Variants in UNC5D observed in about 807,000 individuals in gnomAD.
UNC5D encodes the protein netrin receptor UNC5D.
In UNC5D, 39 loss-of-function variants were observed where a neutral mutation model predicts 105.4. The ratio of observed to expected loss-of-function variants is 0.37; its 90% CI spans 0.29 to 0.48. The LOEUF is 0.48. Among genes scored for constraint, UNC5D ranks in the 20% least tolerant of loss-of-function variants. The probability of loss-of-function intolerance (pLI) is 0.98; values close to 1 mark genes in which losing one functional copy is unlikely to be tolerated. For synonymous variants in UNC5D, 452 were observed against 450.4 expected (o/e 1.00, Z -0.04); for missense variants, 991 against 1,202.4 (o/e 0.82, Z 2.60).
chr8:35,587,021 G>A (rs528645568), intron 3 of UNC5D, among the ~76,000 whole-genome samples: 1 of 152,266 alleles, frequency 6.6e-6, no homozygotes, highest in South Asian at 2.1e-4. Flanking sequence ...TGCTTCCCAA[G>A]GTCTAGCCCC....
At position 35,714,097 on chromosome 8, in the gene UNC5D, T is replaced by C. The variant is rs542580886; in HGVS notation, c.1118-8113T>C. Among the ~76,000 whole-genome samples the C allele has an allele frequency of 2.0e-5, 3 of 152,164 alleles. No individual in the cohort carries two copies. In the South Asian group the frequency reaches 6.2e-4, roughly 32 times the overall value. On this transcript the variant is annotated intron_variant, in intron 8 of 16. Transcript: ENST00000404895. ...TGGAGGGGACTGGTCCATGTGGATA[T>C]CCACTGGGATGTCTCCTTTTGAAAT...
intron 1 of UNC5D, among the ~76,000 whole-genome samples, chr8:35,385,622 C>T (rs933994677): frequency 1.3e-5 from 2 of 152,024 alleles, no homozygotes; most frequent in Admixed American, 6.6e-5. Flanking sequence ...CCCGCCACCA[C>T]GCCTGGAGAA....
intron 1 of UNC5D, among the ~76,000 whole-genome samples, chr8:35,440,749 TC>T (rs1179802595): frequency 5.3e-5 from 8 of 151,972 alleles, no homozygotes; most frequent in African/African-American, 1.9e-4. Flanking sequence ...ATTTTTATCT[TC>T]CCTAGACAAC....
At chr8:35,418,329 G>C (rs1200415975) in intron 1 of UNC5D, among the ~76,000 whole-genome samples, 1 of 152,152 alleles carries the variant, frequency 6.6e-6, no homozygotes, top group Non-Finnish European at 1.5e-5. Context: ...TGCGGATCTA[G>C]AGAGTTGCTG....
chr8:35,694,865 A>G (rs942924139), intron 7 of UNC5D, among the ~76,000 whole-genome samples: 3 of 152,036 alleles, frequency 2.0e-5, no homozygotes, highest in Non-Finnish European at 4.4e-5. Flanking sequence ...ACAGGTGTAA[A>G]CCACCATGCC....
intron 1 of UNC5D, among the ~76,000 whole-genome samples, chr8:35,371,207 GT>G (rs1333041811): frequency 2.0e-5 from 3 of 151,322 alleles, no homozygotes; most frequent in South Asian, 2.1e-4. Flanking sequence ...CACACACAAA[GT>G]TTTTCAGATA....
At chr8:35,771,248 C>T (rs1275127172) in intron 15 of UNC5D, among the ~76,000 whole-genome samples, 2 of 152,004 alleles carry the variant, frequency 1.3e-5, no homozygotes, top group Non-Finnish European at 2.9e-5. Flanking sequence ...TTTCTTCTGC[C>T]CACAGTGAAG....
intron 1 of UNC5D, among the ~76,000 whole-genome samples, chr8:35,383,045 A>T (rs1803140651): frequency 6.6e-6 from 1 of 152,228 alleles, no homozygotes; most frequent in African/African-American, 2.4e-5. Context: ...AAGTGCATTT[A>T]GTGATGGTTT....
intron 4 of UNC5D, among the ~76,000 whole-genome samples, chr8:35,635,499 C>A (rs1007240222): frequency 2.0e-5 from 3 of 152,156 alleles, no homozygotes; most frequent in African/African-American, 7.2e-5. Context: ...AGAAGTTGAG[C>A]AGAAGTTATA....
At chr8:35,407,507 TTGTATGTATGTA>T (rs59074158) in intron 1 of UNC5D, among the ~76,000 whole-genome samples, 162 of 150,914 alleles carry the variant, frequency 1.1e-3, no homozygotes, top group African/African-American at 3.3e-3. Flanking sequence ...AGGTTTTCAT[TTGTATGTATGTA>T]TGTATGTATG....
chr8:35,259,616 C>T (rs1181679761), intron 1 of UNC5D, among the ~76,000 whole-genome samples: 3 of 152,106 alleles, frequency 2.0e-5, no homozygotes, highest in Non-Finnish European at 4.4e-5. Context: ...GTTTTTTCCT[C>T]CTCTCTGAAA....
In UNC5D at chr8:35,534,872, TTTCTGTGCC is replaced by T. The variant is rs559957929; in HGVS notation, c.104-14418_104-14410del. On this transcript the variant is annotated intron_variant, in intron 1 of 16. Coordinates refer to ENST00000404895, the MANE Select transcript of UNC5D (RefSeq NM_080872.4). ...ATCAACATCCATTTTTTTCTTTCCC[TTTCTGTGCC>T]TACTTACCTAACATGAAAGTTTTGA... Among the ~76,000 whole-genome samples the T allele has an allele frequency of 8.3e-3, 1,268 of 152,174 alleles. 12 individuals are homozygous for T. The highest frequency in any genetic ancestry group is 0.011 in the Non-Finnish European group (770 of 67,986).
intron 4 of UNC5D, among the ~76,000 whole-genome samples, chr8:35,600,563 T>G (rs1346919435): frequency 6.6e-6 from 1 of 152,208 alleles, no homozygotes; most frequent in Non-Finnish European, 1.5e-5. Context: ...TGATGAGCAT[T>G]TTTTCGTGTG....
At chr8:35,520,831 A>C (rs554433695) in intron 1 of UNC5D, among the ~76,000 whole-genome samples, 3 of 152,264 alleles carry the variant, frequency 2.0e-5, no homozygotes, top group Non-Finnish European at 4.4e-5. Flanking sequence ...ATTTTCTTAG[A>C]CTGAGTGATG....
At chr8:35,317,949 CTAT>C (rs1349325944) in intron 1 of UNC5D, among the ~76,000 whole-genome samples, 2 of 150,958 alleles carry the variant, frequency 1.3e-5, no homozygotes, top group Admixed American at 1.3e-4. Flanking sequence ...GTTCTAGTGA[CTAT>C]CTTTTCTTTA....
intron 1 of UNC5D, among the ~76,000 whole-genome samples, chr8:35,444,149 T>C (rs1364505301): frequency 6.6e-6 from 1 of 152,002 alleles, no homozygotes; most frequent in African/African-American, 2.4e-5. Flanking sequence ...GGTGACTGAA[T>C]TGGCAGTCAT....
intron 1 of UNC5D, among the ~76,000 whole-genome samples, chr8:35,530,056 G>A (rs1477268640): frequency 5.3e-5 from 8 of 150,632 alleles, no homozygotes; most frequent in Admixed American, 1.3e-4. Context: ...CTGCCTGATT[G>A]CCCTGGCCAG....
At chr8:35,750,939 G>A in intron 13 of UNC5D, 130 bp downstream of exon 13, 1 of 1,057,930 alleles carries the variant, frequency 9.5e-7, no homozygotes, top group Admixed American at 2.1e-5. Flanking sequence ...ACTGCCCAGT[G>A]GGTTCACCTT....
At chr8:35,346,420 G>A (rs1429245630) in intron 1 of UNC5D, among the ~76,000 whole-genome samples, 2 of 151,876 alleles carry the variant, frequency 1.3e-5, no homozygotes, top group Admixed American at 6.6e-5. Context: ...TAGATATATG[G>A]GCTGTTTTCT....
Sources: allele counts gnomAD v4.1 joint callset (sites outside exome capture counted in the v4.1 genomes callset), GRCh38; gene constraint gnomAD v4.1.1; transcripts MANE v1.5; gene names NCBI Gene and HGNC (gene_info 2026-07-23, HGNC 2026-07-21).